CENPP: variants seen among roughly 807,000 people sequenced by gnomAD.
The protein encoded by CENPP is centromere protein P.
In CENPP, 24 loss-of-function variants were observed where a neutral mutation model predicts 35.6. That is an observed-to-expected ratio of 0.67 (90% CI 0.49 to 0.95). CENPP has a LOEUF of 0.95. CENPP is among the 40% of genes least tolerant of loss of function. CENPP has a pLI of 0.00. For synonymous variants in CENPP, 120 were observed against 125.5 expected, an observed-to-expected ratio of 0.96 and a Z score of 0.29; for missense variants, 332 against 345.3, an observed-to-expected ratio of 0.96 and a Z score of 0.31.
At chr9:92,591,367 C>T (rs1359876892) in intron 5 of CENPP, among the ~76,000 whole-genome samples, 2 of 151,650 alleles carry the variant, frequency 1.3e-5, no homozygotes, top group Admixed American at 6.6e-5. Context: ...TGCAGTGAGC[C>T]GAGATTGCGC....
At position 92,616,249 on chromosome 9, in the gene CENPP, G is replaced by A. The variant is rs955740635; in HGVS notation, c.*3100G>A. ...ACACCCCAGCTCACAAAGAGCACTC[G>A]TTCTGTGCACCTGTGATCTGTGCGT... On this transcript the variant is annotated 3_prime_UTR_variant, in exon 8 of 8. Coordinates refer to ENST00000375587, the MANE Select transcript of CENPP (RefSeq NM_001012267.3). 9.2e-6 allele frequency: 5 copies of A among 543,970 alleles called. No individual in the cohort carries two copies. Among genetic ancestry groups the A allele is most frequent in the Admixed American group, 6.3e-5 (2 of 31,828 alleles). 33.7% of individuals were successfully genotyped at this position (543,970 alleles called of 1,614,324 possible). A position where few individuals can be genotyped will look rare whatever the true frequency, so the allele number is the denominator to read the frequency against.
chr9:92,372,559 T>G (rs764567966), intron 4 of CENPP, among the ~76,000 whole-genome samples: 15 of 152,222 alleles, frequency 9.9e-5, no homozygotes, highest in Admixed American at 3.9e-4. Context: ...GATTTCATGA[T>G]GGTAAATGTC....
intron 4 of CENPP, among the ~76,000 whole-genome samples, chr9:92,346,457 G>A (rs1361969796): frequency 2.0e-5 from 3 of 152,230 alleles, no homozygotes; most frequent in Non-Finnish European, 2.9e-5. Flanking sequence ...CAGGGCCACA[G>A]TGACAGGTGG....
At chr9:92,381,908 T>C (rs1842256759) in intron 5 of CENPP, among the ~76,000 whole-genome samples, 1 of 151,946 alleles carries the variant, frequency 6.6e-6, no homozygotes, top group African/African-American at 2.4e-5. Context: ...TTTTTTTTTT[T>C]TTTTTGGCTA....
chr9:92,542,580 G>T (rs990971214), intron 5 of CENPP, among the ~76,000 whole-genome samples: 1 of 151,402 alleles, frequency 6.6e-6, no homozygotes, highest in Non-Finnish European at 1.5e-5. Context: ...GCAGTGGCAC[G>T]ATCATGGCTC....
intron 4 of CENPP, among the ~76,000 whole-genome samples, chr9:92,375,618 A>C (rs1842108301): frequency 6.6e-6 from 1 of 151,940 alleles, no homozygotes; most frequent in African/African-American, 2.4e-5. Flanking sequence ...TCTTATGCCC[A>C]CTCAAATCTG....
chr9:92,577,107 C>T (rs1850301383), intron 5 of CENPP, among the ~76,000 whole-genome samples: 1 of 152,126 alleles, frequency 6.6e-6, no homozygotes, highest in South Asian at 2.1e-4. Flanking sequence ...GCTGATGGAA[C>T]TGTAAACTGA....
In CENPP at chr9:92,619,681, T is replaced by A; in HGVS notation, c.*6532T>A. 4 of 968,384 alleles carry A rather than the reference T, an allele frequency of 4.1e-6. No homozygotes were observed. Among genetic ancestry groups the A allele is most frequent in the Non-Finnish European group, 4.8e-6 (3 of 631,098 alleles). The allele number at this position is 968,384 out of a possible 1,614,324, so 60.0% of individuals were successfully genotyped here. ...TGCTTCCTGCCTCAGAACCTGAGGG[T>A]GGGATTAGGAGCGAGGGCCACGGTG... is the stretch of plus-strand genomic sequence containing the variant. On this transcript the variant is annotated 3_prime_UTR_variant, in exon 8 of 8. Transcript: ENST00000375587.
chr9:92,458,659 G>A (rs1284278602), intron 5 of CENPP, among the ~76,000 whole-genome samples: 1 of 152,140 alleles, frequency 6.6e-6, no homozygotes, highest in Non-Finnish European at 1.5e-5. Flanking sequence ...AAGAGTATAG[G>A]TAGATTTAAG....
At chr9:92,442,532 A>T (rs1230316558) in intron 5 of CENPP, among the ~76,000 whole-genome samples, 3 of 152,036 alleles carry the variant, frequency 2.0e-5, no homozygotes, top group Non-Finnish European at 4.4e-5. Context: ...AAGGAAAATT[A>T]TATGAACATC....
intron 5 of CENPP, among the ~76,000 whole-genome samples, chr9:92,388,704 T>G (rs1365072349): frequency 2.0e-5 from 3 of 151,658 alleles, no homozygotes; most frequent in Non-Finnish European, 2.9e-5. Context: ...TGGTGGTGTG[T>G]GCCTGTAGTC....
intron 5 of CENPP, among the ~76,000 whole-genome samples, chr9:92,529,906 C>T (rs1279954777): frequency 6.6e-6 from 1 of 152,186 alleles, no homozygotes. Flanking sequence ...TGGATTCAAC[C>T]AACCATGAGC....
intron 5 of CENPP, chr9:92,424,341 C>T (rs1588121356): frequency 6.6e-6 from 1 of 152,120 alleles, no homozygotes; most frequent in African/African-American, 2.4e-5. Flanking sequence ...TCTTGAATTA[C>T]TGTAGCAATT....
At chr9:92,577,956 C>T (rs1471254635) in intron 5 of CENPP, among the ~76,000 whole-genome samples, 1 of 121,884 alleles carries the variant, frequency 8.2e-6, no homozygotes, top group Non-Finnish European at 1.7e-5. Flanking sequence ...CCCCTCCCCC[C>T]ACCCCACAAC....
intron 5 of CENPP, among the ~76,000 whole-genome samples, chr9:92,533,325 AAAAATATATATATAT>A (rs1848953716): frequency 2.1e-5 from 2 of 93,132 alleles, no homozygotes; most frequent in African/African-American, 8.4e-5. Flanking sequence ...AAAAAAAAAA[AAAAATATATATATAT>A]ATATATATAT....
At chr9:92,411,665 CT>C (rs2130948556) in intron 5 of CENPP, among the ~76,000 whole-genome samples, 1 of 152,240 alleles carries the variant, frequency 6.6e-6, no homozygotes, top group African/African-American at 2.4e-5. Context: ...AATGTATTTT[CT>C]TTTATTCATT....
chr9:92,512,224 G>C, intron 5 of CENPP: 3 of 672,038 alleles, frequency 4.5e-6, no homozygotes, highest in Non-Finnish European at 7.5e-6. Context: ...AGAGAGCTTT[G>C]TCTGGAGGAG....
chr9:92,441,166 C>T (rs2131002990), intron 5 of CENPP, among the ~76,000 whole-genome samples: 1 of 152,294 alleles, frequency 6.6e-6, no homozygotes. Context: ...ATGTTACTTA[C>T]ATGGTATGTA....
At chr9:92,409,759 AAAT>A (rs1171785704) in intron 5 of CENPP, among the ~76,000 whole-genome samples, 5 of 152,222 alleles carry the variant, frequency 3.3e-5, no homozygotes, top group Non-Finnish European at 7.3e-5. Context: ...ATAATGAGAA[AAAT>A]AATAAATGAA....
Sources: gnomAD v4.1 joint callset for allele counts (sites outside exome capture counted in the v4.1 genomes callset) on GRCh38, gnomAD v4.1.1 for gene constraint, MANE v1.5 for transcripts, NCBI Gene and HGNC (gene_info 2026-07-23, HGNC 2026-07-21) for gene names.